The following MACROD2 variants were observed in gnomAD, a reference collection of about 807,000 sequenced individuals.
The protein encoded by MACROD2 is ADP-ribose glycohydrolase MACROD2.
MACROD2 carries 36 observed loss-of-function variants against 70.4 expected under a neutral mutation model. That is an observed-to-expected ratio of 0.51 (90% CI 0.39 to 0.68). MACROD2 has a LOEUF of 0.68. MACROD2 is among the 30% of genes least tolerant of loss of function. The pLI is 0.00. For synonymous variants in MACROD2, 172 were observed against 178.8 expected (o/e 0.96, Z 0.30); for missense variants, 496 against 538.4 (o/e 0.92, Z 0.78).
intron 5 of MACROD2, among the ~76,000 whole-genome samples, chr20:14,902,317 T>C (rs1299493496): frequency 6.6e-6 from 1 of 152,154 alleles, no homozygotes; most frequent in African/African-American, 2.4e-5. Context: ...TTATTCTAAG[T>C]AGTACCTGAA....
At chr20:15,333,827 A>G (rs4813177) in intron 6 of MACROD2, among the ~76,000 whole-genome samples, 59,241 of 151,334 alleles carry the variant, frequency 0.39, 12,198 homozygotes, top group East Asian at 0.61. Context: ...GGAGCAACGA[A>G]TCACAGTGAT....
At chr20:15,789,131 C>G (rs2051978585) in intron 8 of MACROD2, among the ~76,000 whole-genome samples, 1 of 152,154 alleles carries the variant, frequency 6.6e-6, no homozygotes, top group Non-Finnish European at 1.5e-5. Context: ...TTTTTCATCC[C>G]TGGTTTATCT....
intron 4 of MACROD2, among the ~76,000 whole-genome samples, chr20:14,614,672 T>C (rs765199308): frequency 6.6e-6 from 1 of 152,096 alleles, no homozygotes; most frequent in African/African-American, 2.4e-5. Flanking sequence ...GTTGATGATA[T>C]TTTAGATGTG....
intron 3 of MACROD2, among the ~76,000 whole-genome samples, chr20:14,456,867 C>A (rs1033602230): frequency 5.9e-5 from 9 of 151,582 alleles, no homozygotes; most frequent in African/African-American, 2.2e-4. Context: ...CAGGTGCCCA[C>A]CACCACGCCC....
At chr20:15,601,498 G>A (rs980845292) in intron 8 of MACROD2, among the ~76,000 whole-genome samples, 2 of 152,146 alleles carry the variant, frequency 1.3e-5, no homozygotes, top group Admixed American at 1.3e-4. Context: ...TGCTTATAGA[G>A]ATGGTAATGA....
At chr20:14,645,984 A>G (rs914942137) in intron 4 of MACROD2, among the ~76,000 whole-genome samples, 54 of 148,344 alleles carry the variant, frequency 3.6e-4, no homozygotes, top group African/African-American at 1.3e-3. Context: ...GGAAAAATTT[A>G]TATTTTCTAC....
At chr20:15,032,734 T>G (rs1010408156) in intron 5 of MACROD2, among the ~76,000 whole-genome samples, 3 of 152,158 alleles carry the variant, frequency 2.0e-5, no homozygotes, top group Non-Finnish European at 4.4e-5. Flanking sequence ...GGCATATACC[T>G]AAAAGAATTT....
intron 8 of MACROD2, among the ~76,000 whole-genome samples, chr20:15,514,126 C>T (rs1162648217): frequency 6.6e-6 from 1 of 151,916 alleles, no homozygotes; most frequent in African/African-American, 2.4e-5. Context: ...TTACAAGAGT[C>T]AAAAGTTTAA....
chr20:14,149,388 A>C (rs563848448), intron 3 of MACROD2, among the ~76,000 whole-genome samples: 8 of 152,156 alleles, frequency 5.3e-5, no homozygotes, highest in African/African-American at 9.6e-5. Flanking sequence ...CATTTTCTTT[A>C]TTTAATTCAC....
chr20:14,544,933 T>C (rs552570430), intron 4 of MACROD2, among the ~76,000 whole-genome samples: 2 of 152,268 alleles, frequency 1.3e-5, no homozygotes, highest in South Asian at 4.1e-4. Flanking sequence ...AGAGAAGCTT[T>C]CAGGCAATGA....
chr20:15,913,997 A>C (rs1053605912), intron 10 of MACROD2, among the ~76,000 whole-genome samples: 1 of 152,222 alleles, frequency 6.6e-6, no homozygotes, highest in African/African-American at 2.4e-5. Context: ...CTGTGTGTGC[A>C]TGGAGGGGGC....
At chr20:14,115,996 C>T (rs547951355) in intron 3 of MACROD2, among the ~76,000 whole-genome samples, 3 of 152,130 alleles carry the variant, frequency 2.0e-5, no homozygotes, top group African/African-American at 2.4e-5. Flanking sequence ...GTGGAGACAC[C>T]GACCAGATTG....
chr20:15,652,993 G>A (rs1039842852), intron 8 of MACROD2, among the ~76,000 whole-genome samples: 1 of 152,094 alleles, frequency 6.6e-6, no homozygotes, highest in Non-Finnish European at 1.5e-5. Context: ...ATCTCATTTT[G>A]TATAATGTTG....
At chr20:15,843,362 A>G (rs2064195566) in intron 8 of MACROD2, among the ~76,000 whole-genome samples, 2 of 152,162 alleles carry the variant, frequency 1.3e-5, no homozygotes, top group Non-Finnish European at 2.9e-5. Context: ...GAGCAGAGTG[A>G]CATTTTTCAT....
chr20:14,127,102 G>C (rs1366030577), intron 3 of MACROD2, among the ~76,000 whole-genome samples: 2 of 152,156 alleles, frequency 1.3e-5, no homozygotes, highest in Admixed American at 1.3e-4. Context: ...AGTTATGAAT[G>C]CAAATGAAAA....
chr20:15,457,191 G>T (rs917768811), intron 7 of MACROD2, among the ~76,000 whole-genome samples: 3 of 150,342 alleles, frequency 2.0e-5, no homozygotes, highest in African/African-American at 4.9e-5. Flanking sequence ...TGCTCAAATT[G>T]TTTCTTCTGT....
At position 14,862,632 on chromosome 20, in the gene MACROD2, TATATATATAAATATATATATATAA is replaced by T. The variant is rs2073376850; in HGVS notation, c.418+177683_418+177706del. 2.1e-3 allele frequency among the ~76,000 whole-genome samples: 15 copies of T among 7,262 alleles called. 2 individuals carry two copies. The highest frequency in any genetic ancestry group is 4.0e-3 in the African/African-American group (12 of 3,016). The allele number at this position is 7,262 out of a possible 152,430, so 4.8% of individuals were successfully genotyped here. On this transcript the variant is annotated intron_variant, in intron 5 of 17. Coordinates refer to ENST00000684519, the MANE Select transcript of MACROD2 (RefSeq NM_001351661.2). ...ATATATATAAATATATATATATAAA[TATATATATAAATATATATATATAA>T]ATATATATATAAATATATATAAATA...
intron 5 of MACROD2, among the ~76,000 whole-genome samples, chr20:15,217,302 C>A (rs903717543): frequency 1.5e-4 from 23 of 152,150 alleles, no homozygotes; most frequent in African/African-American, 5.6e-4. Flanking sequence ...TACTTCTCAT[C>A]ACCTCCCACA....
chr20:15,986,762 A>G lies in MACROD2; in HGVS notation c.1021A>G (p.Ile341Val). Residue 341 changes from isoleucine to valine, a missense_variant, in exon 14 of 18, where the codon ATT becomes GTT. Coordinates refer to ENST00000684519, the MANE Select transcript of MACROD2 (RefSeq NM_001351661.2). ...ENDSTKNEIK[I>V]ETESQSSYME... ...TGATTCAACGAAGAATGAAATAAAA[A>G]TTGAAACAGAATCGCAGAGCTCATA... The G allele has an allele frequency of 6.2e-7, 1 of 1,613,560 alleles. No individual in the cohort carries two copies. Among genetic ancestry groups the G allele is most frequent in the Non-Finnish European group, 8.5e-7 (1 of 1,179,546 alleles).
Sources: allele counts gnomAD v4.1 joint callset (sites outside exome capture counted in the v4.1 genomes callset), GRCh38; gene constraint gnomAD v4.1.1; transcripts MANE v1.5; gene names NCBI Gene and HGNC (gene_info 2026-07-23, HGNC 2026-07-21).